The following AGBL1 variants were observed in gnomAD, a reference collection of about 807,000 sequenced individuals.
AGBL1 encodes cytosolic carboxypeptidase 4.
Under a neutral mutation model 118.9 loss-of-function variants are expected in AGBL1, and 130 were observed. That is an observed-to-expected ratio of 1.09 (90% CI 0.95 to 1.26). The LOEUF (loss-of-function observed/expected upper bound fraction) is 1.26. AGBL1 is among the 50% of genes most tolerant of loss of function. AGBL1 has a pLI of 0.00. For synonymous variants in AGBL1, 555 were observed against 478.9 expected, an observed-to-expected ratio of 1.16 and a Z score of -2.08; for missense variants, 1,584 against 1,298.1, an observed-to-expected ratio of 1.22 and a Z score of -3.38.
chr15:86,358,367 A>G (rs1180683231), intron 17 of AGBL1, among the ~76,000 whole-genome samples: 1 of 151,956 alleles, frequency 6.6e-6, no homozygotes, highest in Non-Finnish European at 1.5e-5. Flanking sequence ...GATTTCCCTC[A>G]TTTTAAGGCT....
intron 21 of AGBL1, among the ~76,000 whole-genome samples, chr15:86,649,006 C>A (rs572285106): frequency 6.7e-6 from 1 of 150,304 alleles, no homozygotes; most frequent in East Asian, 1.9e-4. Context: ...ATGAAGAGAC[C>A]CTTTTTAAGA....
At chr15:87,009,986 T>C (rs915504085) in intron 24 of AGBL1, among the ~76,000 whole-genome samples, 9 of 152,182 alleles carry the variant, frequency 5.9e-5, no homozygotes, top group African/African-American at 2.2e-4. Flanking sequence ...GACTTGGGAC[T>C]GTGGACTATT....
chr15:86,451,498 T>C (rs2082192206), intron 18 of AGBL1, among the ~76,000 whole-genome samples: 1 of 152,212 alleles, frequency 6.6e-6, no homozygotes. Flanking sequence ...ATTAGTTTCT[T>C]CTTTTCACCT....
Position 86,266,400 on chromosome 15 carries a change from G to A in AGBL1, c.1694G>A (p.Arg565Lys), listed in dbSNP as rs1841405503. ...ATCAGGATATTTGAGGATATTCGGA[G>A]GCTCATCCAGCCAAGTGATGTTATA... The part of the protein sequence containing the change: ...QRIRIFEDIR[R>K]LIQPSDVINK... Residue 565 changes from arginine (R) to lysine (K), a missense_variant, in exon 12 of 23, where the codon AGG (arginine) becomes AAG (lysine). Physicochemically the swap from Arg to Lys is conservative, Grantham distance 26. Coordinates refer to ENST00000614907, the MANE Select transcript of AGBL1 (RefSeq NM_001386094.1). 4 of 1,580,692 alleles carry A rather than the reference G, an allele frequency of 2.5e-6. No homozygotes were observed. The highest frequency in any genetic ancestry group is 3.4e-6 in the Non-Finnish European group (4 of 1,161,664).
intron 22 of AGBL1, among the ~76,000 whole-genome samples, chr15:86,874,619 A>G (rs1447019808): frequency 6.6e-6 from 1 of 152,176 alleles, no homozygotes; most frequent in Non-Finnish European, 1.5e-5. Flanking sequence ...ATCCAGAGTT[A>G]GGAAAATCCC....
At chr15:87,002,227 A>C (rs143090415) in intron 24 of AGBL1, among the ~76,000 whole-genome samples, 2,202 of 152,136 alleles carry the variant, frequency 0.014, 75 homozygotes, top group African/African-American at 0.05. Flanking sequence ...ACCATTTATT[A>C]AATAGGGAAT....
chr15:86,602,119 T>C (rs1259177235), intron 21 of AGBL1, among the ~76,000 whole-genome samples: 1 of 152,120 alleles, frequency 6.6e-6, no homozygotes, highest in African/African-American at 2.4e-5. Context: ...TACTCTCCAT[T>C]TTTCTTTCTT....
At chr15:86,247,129 A>G (rs1288990212) in intron 6 of AGBL1, among the ~76,000 whole-genome samples, 1 of 152,252 alleles carries the variant, frequency 6.6e-6, no homozygotes, top group Non-Finnish European at 1.5e-5. Context: ...TGTTAGTATA[A>G]CTATTAGATC....
At chr15:86,972,957 A>G (rs569500828) in intron 23 of AGBL1, among the ~76,000 whole-genome samples, 3 of 152,120 alleles carry the variant, frequency 2.0e-5, no homozygotes, top group Admixed American at 6.6e-5. Context: ...TAATCTTGGT[A>G]TAAGCAGTAT....
chr15:86,338,445 G>A (rs570176603), intron 17 of AGBL1, among the ~76,000 whole-genome samples: 1 of 152,038 alleles, frequency 6.6e-6, no homozygotes, highest in African/African-American at 2.4e-5. Flanking sequence ...CACCATTGGT[G>A]GCTTGAGGTA....
chr15:86,779,648 A>G (rs1233646141), intron 22 of AGBL1, among the ~76,000 whole-genome samples: 1 of 152,158 alleles, frequency 6.6e-6, no homozygotes, highest in African/African-American at 2.4e-5. Context: ...TTAGCATTGT[A>G]TGGAGAATTC....
chr15:86,216,145 T>G (rs1272887874), intron 5 of AGBL1, among the ~76,000 whole-genome samples: 1 of 152,222 alleles, frequency 6.6e-6, no homozygotes, highest in Non-Finnish European at 1.5e-5. Flanking sequence ...TTAATAGTTT[T>G]TAGTGACTAA....
intron 19 of AGBL1, among the ~76,000 whole-genome samples, chr15:86,529,762 G>A (rs11073642): frequency 0.042 from 6,431 of 151,716 alleles, 255 homozygotes; most frequent in African/African-American, 0.1. Flanking sequence ...CGGATCTCTC[G>A]GCAGAAACCC....
intron 17 of AGBL1, chr15:86,317,129 T>A (rs1280841020): frequency 6.6e-6 from 1 of 152,286 alleles, no homozygotes; most frequent in African/African-American, 2.4e-5. Flanking sequence ...TTCCTCTCCA[T>A]CCTTTCTTCC....
intron 3 of AGBL1, among the ~76,000 whole-genome samples, chr15:86,150,128 G>C (rs939543145): frequency 2.0e-5 from 3 of 152,194 alleles, no homozygotes; most frequent in Non-Finnish European, 4.4e-5. Flanking sequence ...ATTTAAAGCA[G>C]TCTGTAGAGG....
At chr15:86,835,364 T>A (rs2079157254) in intron 22 of AGBL1, among the ~76,000 whole-genome samples, 1 of 152,094 alleles carries the variant, frequency 6.6e-6, no homozygotes, top group African/African-American at 2.4e-5. Context: ...GATTAAGCAG[T>A]AATGGTTTGA....
intron 1 of AGBL1, among the ~76,000 whole-genome samples, chr15:86,113,505 C>T (rs900476066): frequency 7.9e-5 from 12 of 151,796 alleles, no homozygotes; most frequent in South Asian, 2.1e-4. Context: ...AGGCTGGTCT[C>T]GAACTCCTGA....
At chr15:86,298,649 C>T (rs1468899005) in intron 17 of AGBL1, among the ~76,000 whole-genome samples, 1 of 152,096 alleles carries the variant, frequency 6.6e-6, no homozygotes, top group Non-Finnish European at 1.5e-5. Context: ...TCCTGCCTCT[C>T]AGGGACTAGG....
chr15:86,893,728 A>G (rs371159915), intron 22 of AGBL1, among the ~76,000 whole-genome samples: 26 of 152,138 alleles, frequency 1.7e-4, no homozygotes, highest in African/African-American at 6.3e-4. Flanking sequence ...TTATTTTCAT[A>G]CTTTGTCTCC....
Sources: allele counts gnomAD v4.1 joint callset (sites outside exome capture counted in the v4.1 genomes callset), GRCh38; gene constraint gnomAD v4.1.1; transcripts MANE v1.5; gene names NCBI Gene and HGNC (gene_info 2026-07-23, HGNC 2026-07-21).